Variants in HS6ST3 observed in about 807,000 individuals in gnomAD.
HS6ST3 encodes heparan sulfate 6-O-sulfotransferase 3, also known as heparan-sulfate 6-O-sulfotransferase 3.
In HS6ST3, 12 loss-of-function variants were observed where a neutral mutation model predicts 36.7. That is an observed-to-expected ratio of 0.33 (90% CI 0.21 to 0.53). HS6ST3 has a LOEUF of 0.53. Ranked by LOEUF, HS6ST3 falls within the 20% of genes least tolerant of loss-of-function variation. HS6ST3 has a pLI of 0.95. For synonymous variants in HS6ST3, 240 were observed against 257.5 expected (o/e 0.93, Z 0.65); for missense variants, 584 against 640.9 (o/e 0.91, Z 0.96).
chr13:96,227,191 T>G (rs2054484787), intron 1 of HS6ST3, among the ~76,000 whole-genome samples: 1 of 152,206 alleles, frequency 6.6e-6, no homozygotes, highest in Non-Finnish European at 1.5e-5. Flanking sequence ...ATCAACAGAC[T>G]ATATTTACTA....
intron 1 of HS6ST3, among the ~76,000 whole-genome samples, chr13:96,430,824 G>C (rs1362077955): frequency 6.6e-6 from 1 of 152,138 alleles, no homozygotes; most frequent in African/African-American, 2.4e-5. Context: ...GGACTCTTTT[G>C]CCAGTGTCCT....
chr13:96,719,960 A>G (rs1162865781), intron 1 of HS6ST3, among the ~76,000 whole-genome samples: 1 of 152,090 alleles, frequency 6.6e-6, no homozygotes, highest in Non-Finnish European at 1.5e-5. Flanking sequence ...CTTGGGTTAA[A>G]GGGGGTGCTG....
intron 1 of HS6ST3, among the ~76,000 whole-genome samples, chr13:96,754,363 C>T (rs1406825460): frequency 6.6e-6 from 1 of 152,148 alleles, no homozygotes; most frequent in Non-Finnish European, 1.5e-5. Context: ...TTTGATCATA[C>T]ATAATGCTAT....
chr13:96,402,149 C>CTCTTTAAGG (rs1289748633), intron 1 of HS6ST3, among the ~76,000 whole-genome samples: 1 of 152,102 alleles, frequency 6.6e-6, no homozygotes, highest in Non-Finnish European at 1.5e-5. Flanking sequence ...CTATTTAGGC[C>CTCTTTAAGG]TCTTTAAGGT....
At chr13:96,247,527 C>G (rs1230488362) in intron 1 of HS6ST3, among the ~76,000 whole-genome samples, 5 of 152,116 alleles carry the variant, frequency 3.3e-5, no homozygotes, top group African/African-American at 9.7e-5. Flanking sequence ...TTCCTCTTTG[C>G]CTTCCACCAA....
chr13:96,517,886 C>T (rs1190961452), intron 1 of HS6ST3, among the ~76,000 whole-genome samples: 1 of 152,152 alleles, frequency 6.6e-6, no homozygotes, highest in Non-Finnish European at 1.5e-5. Flanking sequence ...ATAAATCATT[C>T]TACCATAAAG....
chr13:96,292,886 G>T (rs967250013), intron 1 of HS6ST3, among the ~76,000 whole-genome samples: 4 of 152,066 alleles, frequency 2.6e-5, no homozygotes, highest in African/African-American at 9.7e-5. Flanking sequence ...TAGACAAAAT[G>T]TGCTGAACAT....
At chr13:96,502,342 A>G (rs887788392) in intron 1 of HS6ST3, among the ~76,000 whole-genome samples, 9 of 145,904 alleles carry the variant, frequency 6.2e-5, no homozygotes, top group Non-Finnish European at 1.2e-4. Context: ...GCCTGTGTCT[A>G]TAAGTCTCTT....
intron 1 of HS6ST3, among the ~76,000 whole-genome samples, chr13:96,381,224 G>T (rs536755679): frequency 6.6e-6 from 1 of 152,242 alleles, no homozygotes; most frequent in African/African-American, 2.4e-5. Flanking sequence ...TTCTTTGGTG[G>T]TTAGCAGAAC....
At chr13:96,602,326 TG>T (rs2056424557) in intron 1 of HS6ST3, among the ~76,000 whole-genome samples, 1 of 152,222 alleles carries the variant, frequency 6.6e-6, no homozygotes, top group Non-Finnish European at 1.5e-5. Flanking sequence ...CATTTGGTGA[TG>T]TTATGTTTTC....
chr13:96,284,711 GC>G (rs1439734571), intron 1 of HS6ST3, among the ~76,000 whole-genome samples: 3 of 152,106 alleles, frequency 2.0e-5, no homozygotes, highest in Non-Finnish European at 4.4e-5. Flanking sequence ...CAGGTTGGAT[GC>G]TTTTTTTCTA....
At chr13:96,158,158 T>G (rs532986470) in intron 1 of HS6ST3, among the ~76,000 whole-genome samples, 24 of 152,192 alleles carry the variant, frequency 1.6e-4, no homozygotes, top group African/African-American at 5.5e-4. Context: ...TGTATAAGGG[T>G]ATCAAGGCTG....
At chr13:96,579,223 G>C (rs956777393) in intron 1 of HS6ST3, among the ~76,000 whole-genome samples, 1 of 152,056 alleles carries the variant, frequency 6.6e-6, no homozygotes, top group African/African-American at 2.4e-5. Flanking sequence ...ATAATGTGTT[G>C]ACAGCTACAA....
At chr13:96,696,967 C>T (rs1304244823) in intron 1 of HS6ST3, among the ~76,000 whole-genome samples, 2 of 152,000 alleles carry the variant, frequency 1.3e-5, no homozygotes, top group Non-Finnish European at 2.9e-5. Flanking sequence ...AATCTTCAGA[C>T]ATTTGAGGAA....
intron 1 of HS6ST3, among the ~76,000 whole-genome samples, chr13:96,225,861 A>G (rs1176634773): frequency 6.6e-6 from 1 of 152,236 alleles, no homozygotes; most frequent in East Asian, 1.9e-4. Flanking sequence ...GGAATGTAAA[A>G]GAGTGAATAG....
At chr13:96,294,616 A>G (rs1566314479) in intron 1 of HS6ST3, among the ~76,000 whole-genome samples, 1 of 152,096 alleles carries the variant, frequency 6.6e-6, no homozygotes, top group Non-Finnish European at 1.5e-5. Context: ...AAATAGAACA[A>G]TATAGGTTGG....
intron 1 of HS6ST3, among the ~76,000 whole-genome samples, chr13:96,418,620 G>A (rs932092402): frequency 1.3e-5 from 2 of 152,144 alleles, no homozygotes; most frequent in African/African-American, 4.8e-5. Context: ...TATAAGAGAT[G>A]CAAATGGTTT....
chr13:96,321,543 A>G (rs959612426), intron 1 of HS6ST3, among the ~76,000 whole-genome samples: 2 of 152,098 alleles, frequency 1.3e-5, no homozygotes, highest in African/African-American at 4.8e-5. Flanking sequence ...TCTCTGTATC[A>G]TGTTTCCAGT....
At chr13:96,540,299 T>G (rs1254386491) in intron 1 of HS6ST3, among the ~76,000 whole-genome samples, 2 of 152,156 alleles carry the variant, frequency 1.3e-5, no homozygotes, top group African/African-American at 4.8e-5. Context: ...CAAGACAAAT[T>G]TTACCTTTCC....
Sources: gnomAD v4.1 joint callset for allele counts (sites outside exome capture counted in the v4.1 genomes callset) on GRCh38, gnomAD v4.1.1 for gene constraint, MANE v1.5 for transcripts, NCBI Gene and HGNC (gene_info 2026-07-23, HGNC 2026-07-21) for gene names.